Variants in FAM204A observed in about 807,000 individuals in gnomAD.
The protein encoded by FAM204A is family with sequence similarity 204 member A.
A neutral mutation model predicts 35.4 loss-of-function variants in FAM204A; 16 were observed. The observed-to-expected ratio is 0.45, with a 90% confidence interval of 0.31 to 0.69. The LOEUF is 0.69. Ranked by LOEUF, FAM204A falls within the 30% of genes least tolerant of loss-of-function variation. The pLI, the probability that FAM204A is intolerant of heterozygous loss-of-function variation, is 0.07. For synonymous variants in FAM204A, 76 were observed against 86.9 expected, an observed-to-expected ratio of 0.88 and a Z score of 0.70; for missense variants, 240 against 265.7, an observed-to-expected ratio of 0.90 and a Z score of 0.67.
intron 2 of FAM204A, among the ~76,000 whole-genome samples, chr10:118,337,849 T>C (rs1846412801): frequency 6.6e-6 from 1 of 152,158 alleles, no homozygotes; most frequent in Non-Finnish European, 1.5e-5. Context: ...TTGCTATTAT[T>C]ATTTCTGTGG....
At chr10:118,328,998 A>C (rs1846245997) in intron 6 of FAM204A, among the ~76,000 whole-genome samples, 1 of 152,148 alleles carries the variant, frequency 6.6e-6, no homozygotes, top group African/African-American at 2.4e-5. Flanking sequence ...ACCAATACCT[A>C]CATCTCCAGC....
At chr10:118,316,056 T>TA (rs1846024912) in intron 7 of FAM204A, among the ~76,000 whole-genome samples, 1 of 152,176 alleles carries the variant, frequency 6.6e-6, no homozygotes. Flanking sequence ...TATCCCTTTC[T>TA]AGTGTCTCTT....
intron 7 of FAM204A, among the ~76,000 whole-genome samples, chr10:118,313,639 G>C (rs535735528): frequency 1.4e-4 from 22 of 152,184 alleles, no homozygotes; most frequent in Non-Finnish European, 2.2e-4. Flanking sequence ...ACGTAAAACA[G>C]AAAAATCTAT....
chr10:118,332,511 TGCCCCTCCCTCC>T (rs1329480432), intron 6 of FAM204A, among the ~76,000 whole-genome samples: 2 of 96,832 alleles, frequency 2.1e-5, no homozygotes, highest in East Asian at 8.9e-4. Flanking sequence ...CACATCCCTA[TGCCCCTCCCTCC>T]ACATCCTAAT....
intron 6 of FAM204A, among the ~76,000 whole-genome samples, chr10:118,328,206 C>T (rs1389448087): frequency 6.6e-6 from 1 of 152,170 alleles, no homozygotes; most frequent in African/African-American, 2.4e-5. Flanking sequence ...CTTCCACTCA[C>T]CCCAAGTCTT....
At chr10:118,314,163 C>T (rs1845995451) in intron 7 of FAM204A, among the ~76,000 whole-genome samples, 1 of 152,230 alleles carries the variant, frequency 6.6e-6, no homozygotes, top group Non-Finnish European at 1.5e-5. Context: ...AGGGCTCCAT[C>T]ATTTTGTGAG....
rs529184032 is a variant in FAM204A, at chr10:118,339,361, C to A, written c.-9+2366G>T. On this transcript the variant is annotated intron_variant, in intron 2 of 8. Transcript: ENST00000369183. ...ATTCATAGCATATACTTGTCATTCA[C>A]AAAGTTTCCAACTGGCACCATGTTA... 2.0e-5 allele frequency among the ~76,000 whole-genome samples: 3 copies of A among 152,342 alleles called. No homozygotes were observed. In the South Asian group the frequency reaches 6.2e-4, roughly 32 times the overall value.
intron 2 of FAM204A, among the ~76,000 whole-genome samples, chr10:118,339,641 T>C (rs1294043429): frequency 6.6e-6 from 1 of 152,234 alleles, no homozygotes; most frequent in African/African-American, 2.4e-5. Context: ...TCATTTTTTT[T>C]ACCCTGCAAC....
At position 118,311,272 on chromosome 10, in the gene FAM204A, A is replaced by G; in HGVS notation, c.585T>C (p.Phe195=). The G allele has an allele frequency of 6.2e-7, 1 of 1,611,612 alleles. No individual in the cohort carries two copies. Among genetic ancestry groups the G allele is most frequent in the Non-Finnish European group, 8.5e-7 (1 of 1,179,528 alleles). ...TTTCAACCTCCTTTTTGGCTTTTAC[A>G]AAGTTGTGGCAGGCAACTGCTTTGG... ...KIAKAVACHN[F]VKAKKEVENS... is the part of the protein sequence containing the mutation. The change falls in exon 8 of 9, where the codon TTT becomes TTC. Residue 195 remains phenylalanine (F), a synonymous_variant. Transcript: ENST00000369183.
intron 8 of FAM204A, 112 bp from the exon 9 acceptor site, chr10:118,311,020 C>A: frequency 1.8e-6 from 2 of 1,087,388 alleles, no homozygotes; most frequent in Non-Finnish European, 1.3e-6. Context: ...TCACATACTC[C>A]AATGATTACA....
At position 118,307,558 on chromosome 10, in the gene FAM204A, T is replaced by C. The variant is rs995874858; in HGVS notation, c.*3299A>G. ...TTGCCTCCTCAAACTTTATCATCTC[T>C]TAAAAAATAATGTACAACTCTCATT... On this transcript the variant is annotated 3_prime_UTR_variant, in exon 9 of 9. Coordinates refer to ENST00000369183, the MANE Select transcript of FAM204A (RefSeq NM_022063.3). The C allele has an allele frequency of 1.3e-5, 2 of 152,212 alleles. No homozygotes were observed. The highest frequency in any genetic ancestry group is 4.8e-5 in the African/African-American group (2 of 41,448). 9.4% of individuals were successfully genotyped at this position (152,212 alleles called of 1,614,324 possible).
intron 7 of FAM204A, among the ~76,000 whole-genome samples, chr10:118,312,221 T>C (rs1482813949): frequency 6.6e-6 from 1 of 152,198 alleles, no homozygotes; most frequent in Non-Finnish European, 1.5e-5. Flanking sequence ...AGAACCCAGA[T>C]TAAACAATAA....
chr10:118,336,544 C>CTT, intron 2 of FAM204A, 121 bp from the exon 3 acceptor site: 49 of 677,332 alleles, frequency 7.2e-5, no homozygotes, highest in Non-Finnish European at 8.9e-5. Flanking sequence ...TCCATCTAAA[C>CTT]TTTTTTTTTT....
intron 7 of FAM204A, among the ~76,000 whole-genome samples, chr10:118,321,037 TCA>T (rs1464521406): frequency 6.6e-6 from 1 of 151,888 alleles, no homozygotes; most frequent in Middle Eastern, 3.2e-3. Flanking sequence ...AAAATTAGTT[TCA>T]CTTATTATGG....
chr10:118,308,285 G>A lies in FAM204A; in HGVS notation c.*2572C>T, dbSNP rs1444508623. The A allele has an allele frequency of 1.3e-5, 2 of 152,184 alleles. No homozygotes were observed. Among genetic ancestry groups the A allele is most frequent in the Non-Finnish European group, 2.9e-5 (2 of 68,042 alleles). 9.4% of individuals were successfully genotyped at this position (152,184 alleles called of 1,614,324 possible). ...TTACTGATCTAACTCAGGCATTCTG[G>A]TGGTAGTAAATGCACATATTGAAGT... On this transcript the variant is annotated 3_prime_UTR_variant, in exon 9 of 9. Coordinates refer to ENST00000369183, the MANE Select transcript of FAM204A (RefSeq NM_022063.3).
rs1035356564 is a variant in FAM204A, at chr10:118,342,309, C to G, written c.-249G>C. ...TCGCCCAGCAGCCATCTTAGGACCC[C>G]GTCAACATCGCGCCTTCTCATTGGC... On this transcript the variant is annotated 5_prime_UTR_variant, in exon 1 of 9. Transcript: ENST00000369183. 1 of 152,462 alleles carries G rather than the reference C, an allele frequency of 6.6e-6. No individual in the cohort carries two copies. The highest frequency in any genetic ancestry group is 1.5e-5 in the Non-Finnish European group (1 of 68,226). 9.4% of individuals were successfully genotyped at this position (152,462 alleles called of 1,614,324 possible).
Position 118,310,845 on chromosome 10 carries a change from C to T in FAM204A, c.*12G>A, listed in dbSNP as rs1184793032. 2.5e-6 allele frequency: 4 copies of T among 1,594,778 alleles called. No homozygotes were observed. In the African/African-American group the frequency reaches 4.0e-5, roughly 16 times the overall value. On this transcript the variant is annotated 3_prime_UTR_variant, in exon 9 of 9. Coordinates refer to ENST00000369183, the MANE Select transcript of FAM204A (RefSeq NM_022063.3). ...ATTTGAGTCTACAAATGTCTTGAAG[C>T]ACTCTGGCAAGTTACATGTATCCCA...
At chr10:118,330,645 T>G (rs539657876) in intron 6 of FAM204A, among the ~76,000 whole-genome samples, 211 of 152,352 alleles carry the variant, frequency 1.4e-3, no homozygotes, top group African/African-American at 4.8e-3. Flanking sequence ...TTAAATAAAA[T>G]GTACTACCTT....
In FAM204A at chr10:118,310,716, GAGCTGATAAT is replaced by G. The variant is rs1845939577; in HGVS notation, c.*131_*140del. On this transcript the variant is annotated 3_prime_UTR_variant, in exon 9 of 9. Coordinates refer to ENST00000369183, the MANE Select transcript of FAM204A (RefSeq NM_022063.3). The stretch of plus-strand genomic sequence containing the variant: ...AAAGTCCTTAAAGAAAGACTGAAAA[GAGCTGATAAT>G]CAAAATCCCAAATTTTATGCTTATT... 1.5e-6 allele frequency: 1 copy of G among 685,186 alleles called. No homozygotes were observed. Among genetic ancestry groups the G allele is most frequent in the Non-Finnish European group, 2.5e-6 (1 of 394,428 alleles). The allele number at this position is 685,186 out of a possible 1,614,324, so 42.4% of individuals were successfully genotyped here. A position where few individuals can be genotyped will look rare whatever the true frequency, so the allele number is the denominator to read the frequency against.
Sources: gnomAD v4.1 joint callset for allele counts (sites outside exome capture counted in the v4.1 genomes callset) on GRCh38, gnomAD v4.1.1 for gene constraint, MANE v1.5 for transcripts, NCBI Gene and HGNC (gene_info 2026-07-23, HGNC 2026-07-21) for gene names.